Variants in PREX2 observed in about 807,000 individuals in gnomAD.
PREX2 encodes the protein phosphatidylinositol 3,4,5-trisphosphate-dependent Rac exchanger 2 protein.
In PREX2, 107 loss-of-function variants were observed where a neutral mutation model predicts 203.2. The ratio of observed to expected loss-of-function variants is 0.53; its 90% CI spans 0.45 to 0.62. PREX2 has a LOEUF of 0.62. PREX2 is among the 20% of genes least tolerant of loss of function. The pLI is 0.00. For missense variants in PREX2, 1,777 were observed against 1,955.9 expected (o/e 0.91, Z 1.72); for synonymous variants, 672 against 663.6 (o/e 1.01, Z -0.19).
At chr8:68,216,533 T>TA (rs1812841171) in intron 37 of PREX2, among the ~76,000 whole-genome samples, 1 of 152,188 alleles carries the variant, frequency 6.6e-6, no homozygotes. Flanking sequence ...AACATTTTTT[T>TA]AATGTTCTTT....
At chr8:68,035,844 G>A (rs1808010935) in intron 6 of PREX2, among the ~76,000 whole-genome samples, 1 of 152,116 alleles carries the variant, frequency 6.6e-6, no homozygotes, top group South Asian at 2.1e-4. Context: ...AGTGACAGAA[G>A]CATTTCAGTC....
chr8:67,988,554 C>G (rs1468889151), intron 1 of PREX2, among the ~76,000 whole-genome samples: 1 of 152,194 alleles, frequency 6.6e-6, no homozygotes, highest in Non-Finnish European at 1.5e-5. Flanking sequence ...TGACTCTTCT[C>G]TTTCATAATA....
At chr8:68,068,676 G>A (rs1227934441) in intron 11 of PREX2, among the ~76,000 whole-genome samples, 2 of 151,942 alleles carry the variant, frequency 1.3e-5, no homozygotes, top group African/African-American at 4.8e-5. Context: ...GTAGCATTGT[G>A]AAGAAACAGA....
At chr8:67,965,891 C>T (rs1183386443) in intron 1 of PREX2, among the ~76,000 whole-genome samples, 1 of 152,134 alleles carries the variant, frequency 6.6e-6, no homozygotes, top group East Asian at 1.9e-4. Flanking sequence ...GCATAGCTTT[C>T]AATTAAAATA....
intron 37 of PREX2, among the ~76,000 whole-genome samples, chr8:68,212,955 T>A (rs1399255481): frequency 6.6e-6 from 1 of 152,170 alleles, no homozygotes; most frequent in Admixed American, 6.5e-5. Context: ...AACCTTTTTG[T>A]CCTCCAAAAC....
intron 34 of PREX2, among the ~76,000 whole-genome samples, chr8:68,150,971 C>T (rs1244778862): frequency 6.6e-6 from 1 of 152,152 alleles, no homozygotes; most frequent in Non-Finnish European, 1.5e-5. Context: ...TGCCCCTATC[C>T]TCACACGGTC....
At chr8:68,192,771 T>C in intron 37 of PREX2, 1 of 389,868 alleles carries the variant, frequency 2.6e-6, no homozygotes, top group Non-Finnish European at 4.6e-6. Context: ...GTTGCATTTA[T>C]ATTAACATAC....
intron 37 of PREX2, among the ~76,000 whole-genome samples, chr8:68,212,192 C>A (rs1360178965): frequency 6.6e-6 from 1 of 152,188 alleles, no homozygotes; most frequent in Non-Finnish European, 1.5e-5. Context: ...ACCTCAGGGC[C>A]TTTGCACTTA....
chr8:67,991,343 A>C (rs1051480998), intron 1 of PREX2, among the ~76,000 whole-genome samples: 6 of 152,202 alleles, frequency 3.9e-5, no homozygotes, highest in African/African-American at 1.4e-4. Flanking sequence ...GTAGAGAGCA[A>C]AAATGAGTAC....
At chr8:68,217,591 G>T (rs200397979) in intron 37 of PREX2, 25 bp from the exon 38 acceptor site, 1 of 1,585,602 alleles carries the variant, frequency 6.3e-7, no homozygotes, top group African/African-American at 1.3e-5. Context: ...CATGGGGTCT[G>T]ACTTGCCCTT....
chr8:67,985,087 CA>C (rs1287887606), intron 1 of PREX2, among the ~76,000 whole-genome samples: 4 of 152,040 alleles, frequency 2.6e-5, no homozygotes, highest in Non-Finnish European at 5.9e-5. Context: ...GAAAACATAC[CA>C]AGTTCTTGCC....
chr8:68,102,521 A>G (rs1435259281), intron 23 of PREX2, among the ~76,000 whole-genome samples: 1 of 152,226 alleles, frequency 6.6e-6, no homozygotes. Flanking sequence ...GATTAGCTCC[A>G]TTTATGTATC....
intron 13 of PREX2, among the ~76,000 whole-genome samples, chr8:68,072,114 A>G (rs1018355416): frequency 9.9e-5 from 15 of 152,200 alleles, no homozygotes; most frequent in African/African-American, 3.1e-4. Context: ...TTAAGTTCCA[A>G]CAGCATCCAG....
intron 13 of PREX2, among the ~76,000 whole-genome samples, chr8:68,070,593 A>T (rs938870465): frequency 6.6e-6 from 1 of 152,158 alleles, no homozygotes; most frequent in South Asian, 2.1e-4. Flanking sequence ...AACTAATTTG[A>T]AATGGTCAGA....
chr8:68,081,727 C>T (rs1480229319), intron 17 of PREX2, among the ~76,000 whole-genome samples: 1 of 152,148 alleles, frequency 6.6e-6, no homozygotes, highest in East Asian at 1.9e-4. Flanking sequence ...CAAAGTCTCC[C>T]TCTGTTGCCC....
Position 68,235,984 on chromosome 8 carries a change from T to G in PREX2, c.*4606T>G, listed in dbSNP as rs1813257534. 1 of 152,152 alleles carries G rather than the reference T, an allele frequency of 6.6e-6. No homozygotes were observed. The highest frequency in any genetic ancestry group is 1.5e-5 in the Non-Finnish European group (1 of 68,028). The allele number at this position is 152,152 out of a possible 1,614,324, so 9.4% of individuals were successfully genotyped here. On this transcript the variant is annotated 3_prime_UTR_variant, in exon 40 of 40. Transcript: ENST00000288368. ...AAGTCTACTAAATGAGATATATATGTGTATGTATATGCCTATATATATTAT... is the reference window on the plus strand; with the variant it reads ...AAGTCTACTAAATGAGATATATATGGGTATGTATATGCCTATATATATTAT...
intron 19 of PREX2, among the ~76,000 whole-genome samples, chr8:68,088,425 T>TG (rs1809767835): frequency 6.6e-6 from 1 of 152,204 alleles, no homozygotes; most frequent in Non-Finnish European, 1.5e-5. Context: ...GTAAGTAACT[T>TG]GCGCCTATAG....
chr8:67,999,478 C>CAAAAAAAA lies in PREX2; in HGVS notation c.142-18358_142-18351dup, dbSNP rs58916146. On this transcript the variant is annotated intron_variant, in intron 1 of 39. Coordinates refer to ENST00000288368, the MANE Select transcript of PREX2 (RefSeq NM_024870.4). Reference sequence around the variant, plus strand: ...AATCAGTAATAAATAGCCAACAAACCAAAAAAAAAAAAAAAAAGCCCAGAA... The same window carrying CAAAAAAAA: ...AATCAGTAATAAATAGCCAACAAACCAAAAAAAAAAAAAAAAAAAAAAAAAGCCCAGAA... Among the ~76,000 whole-genome samples the CAAAAAAAA allele has an allele frequency of 2.5e-3, 229 of 91,988 alleles. 26 individuals are homozygous for CAAAAAAAA. The highest frequency in any genetic ancestry group is 3.1e-3 in the Non-Finnish European group (142 of 46,456). 60.3% of individuals were successfully genotyped at this position (91,988 alleles called of 152,430 possible).
intron 31 of PREX2, among the ~76,000 whole-genome samples, chr8:68,129,166 C>T (rs1028628016): frequency 1.3e-5 from 2 of 152,148 alleles, no homozygotes; most frequent in East Asian, 1.9e-4. Flanking sequence ...TCAACACTGA[C>T]GTTGGAGCAT....
Sources: allele counts gnomAD v4.1 joint callset (sites outside exome capture counted in the v4.1 genomes callset), GRCh38; gene constraint gnomAD v4.1.1; transcripts MANE v1.5; gene names NCBI Gene and HGNC (gene_info 2026-07-23, HGNC 2026-07-21).